CAV1: variants seen among roughly 807,000 people sequenced by gnomAD.
CAV1 encodes caveolin-1.
A neutral mutation model predicts 16.5 loss-of-function variants in CAV1; 10 were observed. That is an observed-to-expected ratio of 0.61 (90% CI 0.37 to 1.03). The LOEUF (loss-of-function observed/expected upper bound fraction) is 1.03. Among genes scored for constraint, CAV1 ranks in the 50% least tolerant of loss-of-function variants. CAV1 has a pLI of 0.01. For synonymous variants in CAV1, 76 were observed against 85.1 expected, an observed-to-expected ratio of 0.89 and a Z score of 0.59; for missense variants, 212 against 232.8, an observed-to-expected ratio of 0.91 and a Z score of 0.58.
chr7:116,537,439 C>T (rs569558938), intron 2 of CAV1, among the ~76,000 whole-genome samples: 5 of 152,054 alleles, frequency 3.3e-5, no homozygotes, highest in African/African-American at 1.2e-4. Flanking sequence ...CTCCAATGGC[C>T]CTATGAGATG....
intron 2 of CAV1, among the ~76,000 whole-genome samples, chr7:116,543,206 G>A (rs1793974567): frequency 2.6e-5 from 4 of 152,222 alleles, no homozygotes; most frequent in South Asian, 2.1e-4. Context: ...ATAAAATTCC[G>A]AGATTCTAGT....
At chr7:116,547,728 T>C (rs761340759) in intron 2 of CAV1, among the ~76,000 whole-genome samples, 14 of 152,190 alleles carry the variant, frequency 9.2e-5, no homozygotes, top group Admixed American at 1.3e-4. Context: ...GTTACTGACA[T>C]CACTAACACC....
chr7:116,526,398 A>C, intron 1 of CAV1, 127 bp from the exon 2 acceptor site: 1 of 1,545,086 alleles, frequency 6.5e-7, no homozygotes, highest in Non-Finnish European at 8.7e-7. Context: ...GGTTAGTTCG[A>C]TTTCGAGCTC....
intron 2 of CAV1, among the ~76,000 whole-genome samples, chr7:116,531,695 G>A (rs1271879322): frequency 1.3e-5 from 2 of 152,160 alleles, no homozygotes; most frequent in Non-Finnish European, 2.9e-5. Context: ...CCACTAACTC[G>A]TTGTCTAGCA....
intron 2 of CAV1, among the ~76,000 whole-genome samples, chr7:116,545,679 C>T (rs780091252): frequency 6.6e-6 from 1 of 152,202 alleles, no homozygotes; most frequent in Non-Finnish European, 1.5e-5. Flanking sequence ...ACTGAAAAGA[C>T]GCTAATGATG....
intron 2 of CAV1, among the ~76,000 whole-genome samples, chr7:116,528,330 GA>G (rs1322814159): frequency 6.6e-6 from 1 of 151,732 alleles, no homozygotes; most frequent in Admixed American, 6.6e-5. Flanking sequence ...AACACAGATG[GA>G]AAAAAAACAT....
chr7:116,542,060 G>A (rs1793951968), intron 2 of CAV1, among the ~76,000 whole-genome samples: 1 of 152,182 alleles, frequency 6.6e-6, no homozygotes, highest in African/African-American at 2.4e-5. Flanking sequence ...GTTTCAATCA[G>A]TGGTTGAAAA....
chr7:116,526,487 C>T, intron 1 of CAV1, 38 bp from the exon 2 acceptor site: 2 of 1,613,144 alleles, frequency 1.2e-6, no homozygotes, highest in Middle Eastern at 1.7e-4. Flanking sequence ...CCGTTGCCGC[C>T]CTCCCCGTCC....
intron 2 of CAV1, among the ~76,000 whole-genome samples, chr7:116,555,406 T>A (rs1354407369): frequency 6.9e-6 from 1 of 144,964 alleles, no homozygotes; most frequent in African/African-American, 2.6e-5. Flanking sequence ...GCCGCTGCAC[T>A]CTAGCCTGGA....
At chr7:116,534,383 A>AT (rs1562829961) in intron 2 of CAV1, among the ~76,000 whole-genome samples, 6 of 9,702 alleles carry the variant, frequency 6.2e-4, no homozygotes, top group Non-Finnish European at 8.0e-4. Context: ...ATATATATAT[A>AT]TATATATATA....
chr7:116,538,702 A>G (rs2116002669), intron 2 of CAV1, among the ~76,000 whole-genome samples: 1 of 152,326 alleles, frequency 6.6e-6, no homozygotes, highest in Admixed American at 6.5e-5. Context: ...GCATTATATT[A>G]GTCTGTTTTC....
intron 2 of CAV1, among the ~76,000 whole-genome samples, chr7:116,534,362 G>GAGATATATATAT (rs1293217496): frequency 1.4e-4 from 6 of 42,690 alleles, no homozygotes; most frequent in Admixed American, 3.6e-4. Flanking sequence ...GCCCACCTCA[G>GAGATATATATAT]ATATATATAT....
rs1181031913 is a variant in CAV1, at chr7:116,534,362, GATATATATATATATATAT to G, written c.195+7690_195+7707del. Among the ~76,000 whole-genome samples the G allele has an allele frequency of 2.4e-3, 104 of 42,664 alleles. 1 individual carries two copies. The highest frequency in any genetic ancestry group is 6.6e-3 in the African/African-American group (88 of 13,320). The allele number at this position is 42,664 out of a possible 152,430, so 28.0% of individuals were successfully genotyped here. A position where few individuals can be genotyped will look rare whatever the true frequency, so the allele number is the denominator to read the frequency against. On this transcript the variant is annotated intron_variant, in intron 2 of 2. Transcript: ENST00000341049. The stretch of plus-strand genomic sequence containing the variant: ...AATACAGATGCCTGGGCCCACCTCA[GATATATATATATATATAT>G]ATATATATATATATATTTTTTTTTT...
At chr7:116,555,452 G>A (rs1467612343) in intron 2 of CAV1, among the ~76,000 whole-genome samples, 3 of 31,698 alleles carry the variant, frequency 9.5e-5, no homozygotes, top group African/African-American at 4.7e-4. Context: ...AAAAAGAAAG[G>A]AAGGAAGGAA....
At position 116,555,303 on chromosome 7, in the gene CAV1, G is replaced by A. The variant is rs569829396; in HGVS notation, c.196-3643G>A. Among the ~76,000 whole-genome samples the A allele has an allele frequency of 7.9e-5, 12 of 151,410 alleles. No homozygotes were observed. The East Asian group carries it at 2.3e-3, about 29-fold the overall frequency. ...TCTACAAAAAGCAAAAAATTAGCCA[G>A]TGATGCATGGCTGTAGTCCCAGCTA... On this transcript the variant is annotated intron_variant, in intron 2 of 2. Transcript: ENST00000341049.
At chr7:116,538,877 G>A (rs1025952908) in intron 2 of CAV1, among the ~76,000 whole-genome samples, 1 of 152,150 alleles carries the variant, frequency 6.6e-6, no homozygotes, top group Non-Finnish European at 1.5e-5. Context: ...CCAATCAAAA[G>A]GGGAAACCCC....
chr7:116,558,745 C>G (rs916075008), intron 2 of CAV1, among the ~76,000 whole-genome samples: 4 of 151,852 alleles, frequency 2.6e-5, no homozygotes, highest in Non-Finnish European at 5.9e-5. Flanking sequence ...AGAGCAAGAC[C>G]CTGTCTCAAA....
chr7:116,525,636 C>T, intron 1 of CAV1: 4 of 1,113,140 alleles, frequency 3.6e-6, no homozygotes, highest in South Asian at 2.5e-5. Flanking sequence ...AGGGGTGTTC[C>T]GAGAGAGGTA....
chr7:116,525,011 A>T, upstream of CAV1: 1 of 1,608,712 alleles, frequency 6.2e-7, no homozygotes, highest in Non-Finnish European at 8.5e-7. Context: ...AGTTCCCTTA[A>T]AGCACAGCCC....
Sources: allele counts gnomAD v4.1 joint callset (sites outside exome capture counted in the v4.1 genomes callset), GRCh38; gene constraint gnomAD v4.1.1; transcripts MANE v1.5; gene names NCBI Gene and HGNC (gene_info 2026-07-23, HGNC 2026-07-21).